Variants in ESRRG observed in about 807,000 individuals in gnomAD.
ESRRG encodes the protein estrogen related receptor gamma, also known as estrogen-related receptor gamma.
A neutral mutation model predicts 44.0 loss-of-function variants in ESRRG; 13 were observed. That is an observed-to-expected ratio of 0.30 (90% confidence interval 0.19 to 0.47). The LOEUF (loss-of-function observed/expected upper bound fraction) is 0.47, where lower values mean the gene tolerates loss of function less well. Ranked by LOEUF, ESRRG falls within the 20% of genes least tolerant of loss-of-function variation. The pLI is 1.00. For missense variants in ESRRG, 395 were observed against 580.6 expected (o/e 0.68, Z 3.29); for synonymous variants, 215 against 214.6 (o/e 1.00, Z -0.02).
intron 2 of ESRRG, among the ~76,000 whole-genome samples, chr1:216,931,998 G>T (rs1323553942): frequency 6.6e-6 from 1 of 152,182 alleles, no homozygotes; most frequent in African/African-American, 2.4e-5. Flanking sequence ...GAGGTCAGGA[G>T]TTCAAGACCA....
At chr1:217,021,069 CACACACAT>C (rs1553776587) in intron 1 of ESRRG, among the ~76,000 whole-genome samples, 1 of 151,474 alleles carries the variant, frequency 6.6e-6, no homozygotes, top group Admixed American at 6.6e-5. Flanking sequence ...CACACACACA[CACACACAT>C]ACACACAGAG....
chr1:216,800,760 C>G, intron 2 of ESRRG, among the ~76,000 whole-genome samples: 1 of 152,112 alleles, frequency 6.6e-6, no homozygotes, highest in Admixed American at 6.6e-5. Context: ...CATTGTCAAA[C>G]TCATCCCTAC....
intron 1 of ESRRG, among the ~76,000 whole-genome samples, chr1:216,974,459 A>G (rs2072436220): frequency 6.6e-6 from 1 of 152,250 alleles, no homozygotes; most frequent in South Asian, 2.1e-4. Context: ...TCCAAAGGGG[A>G]AAAAAATAGC....
chr1:216,713,216 TG>T (rs2084008810), intron 1 of ESRRG, among the ~76,000 whole-genome samples: 1 of 152,186 alleles, frequency 6.6e-6, no homozygotes, highest in Non-Finnish European at 1.5e-5. Flanking sequence ...ATGGCAGAAC[TG>T]GGAGAGTTAA....
intron 2 of ESRRG, among the ~76,000 whole-genome samples, chr1:216,817,680 C>T (rs1022601781): frequency 7.2e-5 from 11 of 152,090 alleles, no homozygotes; most frequent in African/African-American, 2.7e-4. Context: ...ATATATTCAT[C>T]ATCCTGAAAT....
At position 216,723,243 on chromosome 1, in the gene ESRRG, C is replaced by T; in HGVS notation, c.56+1G>A. ...AAAAAGGAAAGAAAAAAGGTACCTA[C>T]TCTTCCTCGTAGTGCAGGGAAAAAG... On this transcript the variant is annotated splice_donor_variant, in intron 1 of 6. Coordinates refer to ENST00000408911, the MANE Select transcript of ESRRG (RefSeq NM_001438.4). LOFTEE classifies it high-confidence loss of function. 6.3e-7 allele frequency: 1 copy of T among 1,594,842 alleles called. No homozygotes were observed. The highest frequency in any genetic ancestry group is 8.6e-7 in the Non-Finnish European group (1 of 1,164,032).
At chr1:216,687,929 T>C (rs1187057161) in intron 1 of ESRRG, among the ~76,000 whole-genome samples, 1 of 152,144 alleles carries the variant, frequency 6.6e-6, no homozygotes, top group Non-Finnish European at 1.5e-5. Flanking sequence ...CACATCAAAG[T>C]CCTTCTCCTT....
At chr1:216,972,773 G>T (rs1186879405) in intron 1 of ESRRG, among the ~76,000 whole-genome samples, 1 of 152,152 alleles carries the variant, frequency 6.6e-6, no homozygotes. Context: ...GAACTAGTAT[G>T]TACTACATAA....
chr1:216,634,656 C>A (rs1002732497), intron 3 of ESRRG, among the ~76,000 whole-genome samples: 5 of 152,234 alleles, frequency 3.3e-5, no homozygotes, highest in South Asian at 2.1e-4. Context: ...ACAGGCAGTG[C>A]GTCCACCCAG....
intron 1 of ESRRG, among the ~76,000 whole-genome samples, chr1:216,722,415 C>T (rs2086543561): frequency 7.5e-6 from 1 of 133,400 alleles, no homozygotes; most frequent in Non-Finnish European, 1.6e-5. Flanking sequence ...ACTCACTCCC[C>T]CCCCTTTAGT....
chr1:216,857,959 C>A (rs2095979706), intron 2 of ESRRG, among the ~76,000 whole-genome samples: 1 of 152,128 alleles, frequency 6.6e-6, no homozygotes, highest in Non-Finnish European at 1.5e-5. Context: ...TGAGTTGCAA[C>A]CTTGCCCCTG....
intron 2 of ESRRG, among the ~76,000 whole-genome samples, chr1:216,733,080 AT>A (rs765771570): frequency 1.4e-5 from 2 of 143,942 alleles, no homozygotes; most frequent in African/African-American, 5.1e-5. Flanking sequence ...AAAAAAAAAA[AT>A]TCAACTTTAA....
At chr1:216,592,107 C>T (rs758460976) in intron 3 of ESRRG, among the ~76,000 whole-genome samples, 28 of 152,096 alleles carry the variant, frequency 1.8e-4, no homozygotes, top group Non-Finnish European at 3.5e-4. Flanking sequence ...AATCTAATCA[C>T]GAAGAAACAC....
intron 1 of ESRRG, among the ~76,000 whole-genome samples, chr1:216,961,561 A>ATTTTT (rs35113256): frequency 3.0e-5 from 4 of 131,968 alleles, no homozygotes; most frequent in Non-Finnish European, 4.9e-5. Flanking sequence ...ATTTACTCTT[A>ATTTTT]TTTTTTTTTT....
chr1:216,610,969 G>A (rs1036879091), intron 3 of ESRRG, among the ~76,000 whole-genome samples: 3 of 152,010 alleles, frequency 2.0e-5, no homozygotes, highest in African/African-American at 7.3e-5. Flanking sequence ...TTGGGAGGCC[G>A]AGGTGGGAGG....
chr1:216,813,805 A>G (rs2095049521), intron 2 of ESRRG, among the ~76,000 whole-genome samples: 1 of 152,172 alleles, frequency 6.6e-6, no homozygotes, highest in Non-Finnish European at 1.5e-5. Context: ...AGTCCTGCTT[A>G]TGTCGGGGGG....
At chr1:216,825,617 T>C (rs1301278291) in intron 2 of ESRRG, among the ~76,000 whole-genome samples, 2 of 152,090 alleles carry the variant, frequency 1.3e-5, no homozygotes, top group Non-Finnish European at 2.9e-5. Flanking sequence ...AGAAATAAGT[T>C]AATAAATGCA....
chr1:216,513,055 G>A (rs1045140440), intron 6 of ESRRG, among the ~76,000 whole-genome samples: 2 of 152,134 alleles, frequency 1.3e-5, no homozygotes, highest in East Asian at 1.9e-4. Context: ...GAAACTGATC[G>A]ACGTTTGACA....
intron 2 of ESRRG, among the ~76,000 whole-genome samples, chr1:216,926,949 T>C (rs1311757713): frequency 1.3e-5 from 2 of 152,176 alleles, no homozygotes; most frequent in Non-Finnish European, 2.9e-5. Flanking sequence ...GAGCTCCAAT[T>C]ACTATATTTC....
Sources: gnomAD v4.1 joint callset for allele counts (sites outside exome capture counted in the v4.1 genomes callset) on GRCh38, gnomAD v4.1.1 for gene constraint, MANE v1.5 for transcripts, NCBI Gene and HGNC (gene_info 2026-07-23, HGNC 2026-07-21) for gene names.